PLXDC2: variants seen among roughly 807,000 people sequenced by gnomAD.
The protein encoded by PLXDC2 is plexin domain-containing protein 2.
In PLXDC2, 40 loss-of-function variants were observed where a neutral mutation model predicts 68.9. The observed-to-expected ratio is 0.58, with a 90% CI of 0.45 to 0.76. The LOEUF is 0.76. PLXDC2 is among the 30% of genes least tolerant of loss of function. The probability of loss-of-function intolerance (pLI) is 0.00; values close to 1 mark genes in which losing one functional copy is unlikely to be tolerated. For synonymous variants in PLXDC2, 243 were observed against 234.2 expected (o/e 1.04, Z -0.34); for missense variants, 644 against 661.9 (o/e 0.97, Z 0.30).
At chr10:20,017,806 G>GGGCT (rs1367105298) in intron 2 of PLXDC2, among the ~76,000 whole-genome samples, 1 of 152,210 alleles carries the variant, frequency 6.6e-6, no homozygotes, top group East Asian at 1.9e-4. Context: ...AAATTCAAGT[G>GGGCT]GGCTTGGAGT....
At chr10:20,012,322 TTTTTTTTTTTTTGG>T (rs1268804153) in intron 2 of PLXDC2, among the ~76,000 whole-genome samples, 4 of 19,658 alleles carry the variant, frequency 2.0e-4, no homozygotes, top group East Asian at 1.9e-3. Flanking sequence ...TTTTTTTTTT[TTTTTTTTTTTTTGG>T]AGAAGGAGAC....
At chr10:20,202,190 C>T (rs1834929646) in intron 9 of PLXDC2, among the ~76,000 whole-genome samples, 1 of 151,636 alleles carries the variant, frequency 6.6e-6, no homozygotes, top group East Asian at 1.9e-4. Context: ...AAAAAAGGAA[C>T]AAGAAAAAAA....
chr10:20,208,138 A>G (rs953070660), intron 9 of PLXDC2, among the ~76,000 whole-genome samples: 64 of 147,648 alleles, frequency 4.3e-4, no homozygotes, highest in African/African-American at 1.5e-3. Context: ...TATAATTAAC[A>G]TGGATTTTTG....
intron 1 of PLXDC2, among the ~76,000 whole-genome samples, chr10:19,889,241 C>A (rs1275377273): frequency 6.6e-6 from 1 of 151,922 alleles, no homozygotes; most frequent in Non-Finnish European, 1.5e-5. Flanking sequence ...TCTTCAAATT[C>A]ATATGACAAG....
At chr10:19,964,174 A>C (rs909192424) in intron 1 of PLXDC2, among the ~76,000 whole-genome samples, 1 of 152,160 alleles carries the variant, frequency 6.6e-6, no homozygotes, top group Admixed American at 6.5e-5. Flanking sequence ...ATGGCTGAAG[A>C]CTGAAGTCAA....
chr10:19,818,844 C>G (rs372950435), intron 1 of PLXDC2, among the ~76,000 whole-genome samples: 46 of 152,096 alleles, frequency 3.0e-4, no homozygotes, highest in African/African-American at 1.1e-3. Context: ...AAACAATTAA[C>G]TCCACCACAA....
intron 1 of PLXDC2, among the ~76,000 whole-genome samples, chr10:19,932,475 G>T (rs991305237): frequency 1.1e-4 from 16 of 152,112 alleles, no homozygotes; most frequent in Admixed American, 9.8e-4. Context: ...CACTTTCATA[G>T]ACCTGCCTTC....
chr10:20,029,196 T>C (rs1173966735), intron 2 of PLXDC2, among the ~76,000 whole-genome samples: 1 of 152,204 alleles, frequency 6.6e-6, no homozygotes, highest in African/African-American at 2.4e-5. Context: ...AGAAGGCTTA[T>C]AGACTGAGTC....
chr10:20,264,966 G>A (rs543447487), intron 13 of PLXDC2, among the ~76,000 whole-genome samples: 2 of 152,082 alleles, frequency 1.3e-5, no homozygotes, highest in African/African-American at 2.4e-5. Flanking sequence ...TAGTAAGGTC[G>A]CTGGATGATA....
chr10:19,825,598 T>A (rs1170573790), intron 1 of PLXDC2, among the ~76,000 whole-genome samples: 1 of 152,170 alleles, frequency 6.6e-6, no homozygotes, highest in African/African-American at 2.4e-5. Flanking sequence ...CTCCTACCAT[T>A]TTCTGTCTGA....
At position 20,143,307 on chromosome 10, in the gene PLXDC2, C is replaced by A; in HGVS notation, c.554C>A (p.Thr185Asn). 6.2e-7 allele frequency: 1 copy of A among 1,612,392 alleles called. No individual in the cohort carries two copies. Among genetic ancestry groups the A allele is most frequent in the Non-Finnish European group, 8.5e-7 (1 of 1,178,878 alleles). ...TTTCTAATTCTAGGTTTCATATACA[C>A]TGGAGAAGTCGTACATCGAATGCTA... ...ITVATGGFIY[T>N]GEVVHRMLTA... Residue 185 changes from threonine (T) to asparagine (N), a missense_variant, in exon 5 of 14, where the codon ACT becomes AAT. This residue lies in a region of PLXDC2 where 113 missense variants were observed against 167.1 expected (regional missense o/e 0.68). Coordinates refer to ENST00000377252, the MANE Select transcript of PLXDC2 (RefSeq NM_032812.9).
chr10:20,089,586 A>G (rs1339893105), intron 4 of PLXDC2, among the ~76,000 whole-genome samples: 1 of 152,206 alleles, frequency 6.6e-6, no homozygotes, highest in Non-Finnish European at 1.5e-5. Flanking sequence ...GGGGTCATTG[A>G]AAGTTTTATG....
At chr10:19,848,275 T>C (rs1379743234) in intron 1 of PLXDC2, among the ~76,000 whole-genome samples, 1 of 152,256 alleles carries the variant, frequency 6.6e-6, no homozygotes, top group Non-Finnish European at 1.5e-5. Context: ...CTTTTCCTTA[T>C]GGAATGGATC....
intron 1 of PLXDC2, among the ~76,000 whole-genome samples, chr10:19,954,424 G>C (rs1299797825): frequency 6.6e-6 from 1 of 152,152 alleles, no homozygotes; most frequent in Non-Finnish European, 1.5e-5. Flanking sequence ...AGCTTATTCA[G>C]ATATTGCAGA....
intron 2 of PLXDC2, among the ~76,000 whole-genome samples, chr10:20,017,815 G>A (rs1411978878): frequency 6.6e-6 from 1 of 152,232 alleles, no homozygotes; most frequent in Non-Finnish European, 1.5e-5. Context: ...TGGGCTTGGA[G>A]TCATGCAGGT....
At chr10:20,002,711 A>G (rs941119898) in intron 2 of PLXDC2, among the ~76,000 whole-genome samples, 1 of 152,214 alleles carries the variant, frequency 6.6e-6, no homozygotes, top group East Asian at 1.9e-4. Flanking sequence ...GGCTTAGCCT[A>G]GAACTTGGCA....
At chr10:20,055,003 A>T (rs1835971499) in intron 3 of PLXDC2, among the ~76,000 whole-genome samples, 1 of 152,052 alleles carries the variant, frequency 6.6e-6, no homozygotes, top group East Asian at 1.9e-4. Flanking sequence ...TGGCTTAAAT[A>T]TTTTTTTATC....
chr10:19,823,046 GCTGGGACTACAGGCAC>G (rs1195769912), intron 1 of PLXDC2, among the ~76,000 whole-genome samples: 1 of 151,852 alleles, frequency 6.6e-6, no homozygotes, highest in Non-Finnish European at 1.5e-5. Flanking sequence ...TTCCCAAGTA[GCTGGGACTACAGGCAC>G]CCGCCACCAC....
Position 19,948,933 on chromosome 10 carries a change from C to T in PLXDC2, c.113-52842C>T, listed in dbSNP as rs1833949843. 2.6e-5 allele frequency among the ~76,000 whole-genome samples: 4 copies of T among 151,844 alleles called. No individual in the cohort carries two copies. The South Asian group carries it at 6.2e-4, about 24-fold the overall frequency. On this transcript the variant is annotated intron_variant, in intron 1 of 13. Coordinates refer to ENST00000377252, the MANE Select transcript of PLXDC2 (RefSeq NM_032812.9). The stretch of plus-strand genomic sequence containing the variant: ...AATCACGAGGTCAAGCGATCGAGAT[C>T]GTCCTAGCCAACATGGTGAAACCCT...
Sources: gnomAD v4.1 joint callset for allele counts (sites outside exome capture counted in the v4.1 genomes callset) on GRCh38, gnomAD v4.1.1 for gene constraint, gnomAD v4.1.1 regional missense constraint, MANE v1.5 for transcripts, NCBI Gene and HGNC (gene_info 2026-07-23, HGNC 2026-07-21) for gene names.